Variants in VPS13D observed in about 807,000 individuals in gnomAD.
The protein encoded by VPS13D is intermembrane lipid transfer protein VPS13D.
VPS13D carries 187 observed loss-of-function variants against 461.9 expected under a neutral mutation model. The ratio of observed to expected loss-of-function variants is 0.40; its 90% CI spans 0.36 to 0.46. The LOEUF (loss-of-function observed/expected upper bound fraction) is 0.46, where lower values mean the gene tolerates loss of function less well. Among genes scored for constraint, VPS13D ranks in the 20% least tolerant of loss-of-function variants. The pLI is 0.60. For synonymous variants in VPS13D, 1,951 were observed against 1,986.3 expected (o/e 0.98, Z 0.47); for missense variants, 4,711 against 5,364.9 (o/e 0.88, Z 3.81).
intron 67 of VPS13D, among the ~76,000 whole-genome samples, chr1:12,496,836 A>G (rs1645964599): frequency 6.6e-6 from 1 of 152,032 alleles, no homozygotes. Context: ...GCCTCTGCAG[A>G]ATCCCAGCCT....
At chr1:12,414,289 C>T (rs749989344) in intron 63 of VPS13D, among the ~76,000 whole-genome samples, 1 of 151,958 alleles carries the variant, frequency 6.6e-6, no homozygotes, top group African/African-American at 2.4e-5. Flanking sequence ...GTTATCTAGT[C>T]TGCCATAGAC....
chr1:12,395,180 G>GC (rs955072308), intron 60 of VPS13D, among the ~76,000 whole-genome samples: 54 of 152,272 alleles, frequency 3.5e-4, no homozygotes, highest in African/African-American at 1.3e-3. Flanking sequence ...GCCTTAGGCA[G>GC]CATAGGATTC....
At chr1:12,274,771 C>T (rs1557678802) in intron 18 of VPS13D, among the ~76,000 whole-genome samples, 1 of 152,222 alleles carries the variant, frequency 6.6e-6, no homozygotes, top group Non-Finnish European at 1.5e-5. Flanking sequence ...AAAGATGAGA[C>T]CTCTCTTCTC....
At chr1:12,462,153 T>G (rs1347146198) in intron 67 of VPS13D, among the ~76,000 whole-genome samples, 1 of 152,124 alleles carries the variant, frequency 6.6e-6, no homozygotes, top group African/African-American at 2.4e-5. Context: ...GCAGCAAACA[T>G]AAAAAATTAT....
chr1:12,282,777 A>G lies in VPS13D; in HGVS notation c.4675A>G (p.Asn1559Asp). The change falls in exon 21 of 70, where the codon AAT (asparagine) becomes GAT (aspartate). Residue 1559 changes from asparagine to aspartate, a missense_variant. By Grantham distance (23) the Asn-to-Asp change is conservative. Around this residue, in one of 3 missense-constraint regions of VPS13D, gnomAD observed 4,411 missense variants for 4,937.8 expected, o/e 0.89. Transcript: ENST00000620676. ...LDNLVYSEDL[N>D]KYPASATSSP... ...CAATCTCGTGTACAGTGAAGATCTG[A>G]ATAAGTATCCAGCCAGTGCTACCTC... 1 of 1,614,080 alleles carries G rather than the reference A, an allele frequency of 6.2e-7. No individual in the cohort carries two copies. Among genetic ancestry groups the G allele is most frequent in the Non-Finnish European group, 8.5e-7 (1 of 1,180,004 alleles).
rs535648741 is a variant in VPS13D at position 12,356,717 on chromosome 1, C to A, written c.9998+193C>A. The stretch of plus-strand genomic sequence containing the variant: ...ATGTTATTTGATACTGAAAATAAAC[C>A]ATTTGGTTGGTTTATAATGAAAGCT... On this transcript the variant is annotated intron_variant, in intron 49 of 69. Transcript: ENST00000620676. Among the ~76,000 whole-genome samples the A allele has an allele frequency of 2.0e-5, 3 of 152,202 alleles. No homozygotes were observed. The South Asian group carries it at 6.2e-4, about 32-fold the overall frequency.
chr1:12,383,213 T>A (rs1644306080), intron 58 of VPS13D, 58 bp downstream of exon 58: 1 of 1,497,576 alleles, frequency 6.7e-7, no homozygotes, highest in Non-Finnish European at 9.1e-7. Context: ...CCCCCAATGA[T>A]TACTCATTTA....
chr1:12,318,472 C>T, intron 31 of VPS13D, 135 bp downstream of exon 31: 2 of 1,157,346 alleles, frequency 1.7e-6, no homozygotes, highest in Non-Finnish European at 2.4e-6. Flanking sequence ...TACAGACCTG[C>T]AAGCATCAGA....
chr1:12,490,637 G>A (rs1482949363), intron 67 of VPS13D, among the ~76,000 whole-genome samples: 1 of 152,116 alleles, frequency 6.6e-6, no homozygotes, highest in Non-Finnish European at 1.5e-5. Context: ...AGCATGGTGG[G>A]AGCTACAGAT....
chr1:12,268,998 A>G (rs1379226323), intron 16 of VPS13D, 122 bp downstream of exon 16: 1 of 1,123,812 alleles, frequency 8.9e-7, no homozygotes, highest in Non-Finnish European at 1.2e-6. Context: ...CCTGCAGAGT[A>G]AGTCAATAGG....
At chr1:12,506,364 G>T (rs948860209) in intron 68 of VPS13D, among the ~76,000 whole-genome samples, 3 of 152,144 alleles carry the variant, frequency 2.0e-5, no homozygotes, top group Non-Finnish European at 2.9e-5. Context: ...TGAAGTGGAT[G>T]GGGGGGTGCC....
At chr1:12,257,700 T>C (rs1290691499) in intron 9 of VPS13D, among the ~76,000 whole-genome samples, 1 of 152,202 alleles carries the variant, frequency 6.6e-6, no homozygotes, top group Non-Finnish European at 1.5e-5. Context: ...TTCAAACCAA[T>C]TGAGAACTGT....
At chr1:12,270,265 T>C (rs1641398672) in intron 16 of VPS13D, among the ~76,000 whole-genome samples, 1 of 151,902 alleles carries the variant, frequency 6.6e-6, no homozygotes, top group Non-Finnish European at 1.5e-5. Flanking sequence ...AAGACCAGCC[T>C]AGCCAACATG....
At chr1:12,267,065 C>T in intron 14 of VPS13D, 54 bp downstream of exon 14, 2 of 1,455,026 alleles carry the variant, frequency 1.4e-6, no homozygotes, top group South Asian at 1.5e-5. Context: ...AAATTGTAGT[C>T]TGTTTTAGGC....
chr1:12,234,394 T>C (rs1640080760), intron 2 of VPS13D, 31 bp downstream of exon 2: 20 of 1,556,638 alleles, frequency 1.3e-5, no homozygotes, highest in East Asian at 2.2e-5. Context: ...GATACAGCTT[T>C]ATAGGTGGCG....
intron 39 of VPS13D, 63 bp from the exon 40 acceptor site, chr1:12,338,168 G>T: frequency 7.0e-7 from 1 of 1,424,006 alleles, no homozygotes. Flanking sequence ...TCGTTTGGAA[G>T]CAAGTCTTCT....
intron 65 of VPS13D, among the ~76,000 whole-genome samples, chr1:12,445,656 AGC>A (rs1414669668): frequency 2.6e-5 from 4 of 152,230 alleles, no homozygotes; most frequent in African/African-American, 9.6e-5. Flanking sequence ...GTTGGGAAGT[AGC>A]TAAGCTGCAA....
rs772016791 is a variant in VPS13D at position 12,356,493 on chromosome 1, T to C, written c.9967T>C (p.Phe3323Leu). The C allele has an allele frequency of 6.2e-6, 10 of 1,614,094 alleles. 1 individual carries two copies. The South Asian group carries it at 6.6e-5, about 11-fold the overall frequency. ...ELARSLSPLL[F>L]CYADKEQPNL... ...GGCCCGTAGCCTGAGTCCTCTCTTA[T>C]TCTGCTATGCTGACAAAGAGCAGCC... The change falls in exon 49 of 70, where the codon TTC becomes CTC. Residue 3323 changes from phenylalanine to leucine, a missense_variant. Phe to Leu is a conservative substitution (Grantham distance 22, BLOSUM62 0). This residue lies in a region of VPS13D where 4,411 missense variants were observed against 4,937.8 expected (regional missense o/e 0.89). Coordinates refer to ENST00000620676, the MANE Select transcript of VPS13D (RefSeq NM_015378.4).
rs1426048418 is a variant in VPS13D, at chr1:12,495,919, C to T, written c.12663-1581C>T. ...GGCACGCCAAGCTCCTTCCCCCAAC[C>T]CCGCTGCCTGCAGAGGTTACCAGCA... On this transcript the variant is annotated intron_variant, in intron 67 of 69. Transcript: ENST00000620676. The surrounding 1 kb of genome is among the most constrained non-coding windows in gnomAD (Gnocchi z 4.0). Among the ~76,000 whole-genome samples the T allele has an allele frequency of 1.3e-5, 2 of 152,186 alleles. No homozygotes were observed. Among genetic ancestry groups the T allele is most frequent in the African/African-American group, 4.8e-5 (2 of 41,440 alleles).
Sources: gnomAD v4.1 joint callset for allele counts (sites outside exome capture counted in the v4.1 genomes callset) on GRCh38, gnomAD v4.1.1 for gene constraint, gnomAD v4.1.1 regional missense constraint, Gnocchi (gnomAD v3.1) non-coding constraint, MANE v1.5 for transcripts, NCBI Gene and HGNC (gene_info 2026-07-23, HGNC 2026-07-21) for gene names.